NAA11: variants seen among roughly 807,000 people sequenced by gnomAD.
The protein encoded by NAA11 is N-alpha-acetyltransferase 11.
NAA11 carries 15 observed loss-of-function variants against 16.1 expected under a neutral mutation model. The observed-to-expected ratio is 0.93, with a 90% CI of 0.62 to 1.44. The LOEUF (loss-of-function observed/expected upper bound fraction) is 1.44. Among genes scored for constraint, NAA11 ranks in the 40% most tolerant of loss-of-function variants. The pLI, the probability that NAA11 is intolerant of heterozygous loss-of-function variation, is 0.00. For missense variants in NAA11, 298 were observed against 291.3 expected (o/e 1.02, Z -0.17); for synonymous variants, 122 against 112.4 (o/e 1.09, Z -0.54).
chr4:79,199,125 G>A, the NAA11 span, among the ~76,000 whole-genome samples: 2 of 151,906 alleles, frequency 1.3e-5, no homozygotes, highest in African/African-American at 4.8e-5. Context: ...TCGCCAGAAA[G>A]AAACAGATGG....
chr4:79,322,505 G>GTGTGTATA (rs71821147), intron 1 of NAA11, among the ~76,000 whole-genome samples: 1 of 150,074 alleles, frequency 6.7e-6, no homozygotes, highest in Non-Finnish European at 1.5e-5. Flanking sequence ...GTGTGTGTGT[G>GTGTGTATA]TATATATATA....
intron 2 of NAA11, among the ~76,000 whole-genome samples, chr4:79,261,573 T>C (rs909038933): frequency 8.5e-5 from 13 of 152,184 alleles, no homozygotes; most frequent in Admixed American, 2.6e-4. Flanking sequence ...AACTAAAACC[T>C]ATGTACATGG....
chr4:79,292,841 G>T (rs941326292), intron 2 of NAA11, among the ~76,000 whole-genome samples: 1 of 152,028 alleles, frequency 6.6e-6, no homozygotes, highest in African/African-American at 2.4e-5. Context: ...GCTATATTCA[G>T]GTTTTGAATG....
At chr4:79,209,772 G>A in the NAA11 span, among the ~76,000 whole-genome samples, 3 of 152,034 alleles carry the variant, frequency 2.0e-5, no homozygotes, top group African/African-American at 7.2e-5. Context: ...AGGGCTGGGC[G>A]TCGTGGCTCG....
At chr4:79,214,528 C>T in the NAA11 span, among the ~76,000 whole-genome samples, 1 of 152,012 alleles carries the variant, frequency 6.6e-6, no homozygotes, top group Non-Finnish European at 1.5e-5. Context: ...GATCGGGCTC[C>T]GTGGCTCACG....
At chr4:79,308,278 A>T (rs139162245) in intron 1 of NAA11, 2 of 152,360 alleles carry the variant, frequency 1.3e-5, no homozygotes, top group East Asian at 3.9e-4. Flanking sequence ...TGCAGGCTGT[A>T]AATTTCGTTG....
chr4:79,299,517 TCTGA>T (rs1431916456), intron 1 of NAA11: 11 of 152,228 alleles, frequency 7.2e-5, no homozygotes, highest in African/African-American at 1.4e-4. Context: ...ACTTTATATC[TCTGA>T]CTAATTACAG....
At chr4:79,241,476 T>C (rs957534715) in intron 2 of NAA11, among the ~76,000 whole-genome samples, 7 of 146,752 alleles carry the variant, frequency 4.8e-5, no homozygotes, top group African/African-American at 1.7e-4. Context: ...AAAGGTCAAC[T>C]GTACAAGTGC....
At chr4:79,224,052 T>C (rs1422338695), downstream of NAA11, among the ~76,000 whole-genome samples, 2 of 152,148 alleles carry the variant, frequency 1.3e-5, no homozygotes, top group Non-Finnish European at 2.9e-5. Flanking sequence ...GGGTACCAAT[T>C]CTTCTGCACT....
chr4:79,196,642 G>T, the NAA11 span, among the ~76,000 whole-genome samples: 1 of 151,890 alleles, frequency 6.6e-6, no homozygotes, highest in Non-Finnish European at 1.5e-5. Flanking sequence ...AGAAAAATCT[G>T]CTCCCCTCCC....
At chr4:79,322,094 G>A (rs1724106500) in intron 1 of NAA11, among the ~76,000 whole-genome samples, 1 of 152,118 alleles carries the variant, frequency 6.6e-6, no homozygotes, top group Admixed American at 6.6e-5. Flanking sequence ...CTGAGATTTG[G>A]AAGTTAATTT....
intron 2 of NAA11, among the ~76,000 whole-genome samples, chr4:79,278,644 G>A (rs1025793097): frequency 6.6e-6 from 1 of 151,940 alleles, no homozygotes; most frequent in African/African-American, 2.4e-5. Flanking sequence ...TTGTATTTTG[G>A]CCTTACCCTT....
downstream of NAA11, among the ~76,000 whole-genome samples, chr4:79,223,833 C>T (rs935165429): frequency 1.1e-4 from 17 of 151,494 alleles, no homozygotes; most frequent in Admixed American, 9.9e-4. Flanking sequence ...TTGGGGTTTG[C>T]TCCTTTATCT....
At chr4:79,269,561 C>T (rs1240390678) in intron 2 of NAA11, among the ~76,000 whole-genome samples, 3 of 150,052 alleles carry the variant, frequency 2.0e-5, no homozygotes, top group Non-Finnish European at 4.5e-5. Context: ...TTGTTTTTTT[C>T]TTGTAAATTT....
the NAA11 span, among the ~76,000 whole-genome samples, chr4:79,204,928 T>TACACACAC: frequency 0.092 from 13,609 of 147,278 alleles, 751 homozygotes; most frequent in East Asian, 0.29. Context: ...ATGGTGTGTA[T>TACACACAC]ACACACACAC....
chr4:79,248,029 T>C (rs1721882800), intron 2 of NAA11, among the ~76,000 whole-genome samples: 1 of 152,138 alleles, frequency 6.6e-6, no homozygotes, highest in Non-Finnish European at 1.5e-5. Context: ...AGGGGAACTA[T>C]TGGACCTGAA....
chr4:79,223,379 G>A (rs1163720660), downstream of NAA11, among the ~76,000 whole-genome samples: 1 of 150,344 alleles, frequency 6.7e-6, no homozygotes, highest in African/African-American at 2.4e-5. Context: ...ATCATTCTCA[G>A]TGAACTATCA....
At chr4:79,212,378 T>G in the NAA11 span, among the ~76,000 whole-genome samples, 1 of 152,160 alleles carries the variant, frequency 6.6e-6, no homozygotes, top group Non-Finnish European at 1.5e-5. Flanking sequence ...GTTGTCGGCT[T>G]GAATTACGTA....
At chr4:79,226,638 C>T (rs1468658461) in intron 2 of NAA11, among the ~76,000 whole-genome samples, 2 of 141,940 alleles carry the variant, frequency 1.4e-5, no homozygotes, top group Non-Finnish European at 3.0e-5. Context: ...TCCAGGTGTT[C>T]TCATTGTTCA....
Sources: gnomAD v4.1 joint callset for allele counts (sites outside exome capture counted in the v4.1 genomes callset) on GRCh38, gnomAD v4.1.1 for gene constraint, MANE v1.5 for transcripts, NCBI Gene and HGNC (gene_info 2026-07-23, HGNC 2026-07-21) for gene names.